The following ITPK1 variants were observed in gnomAD, a reference collection of about 807,000 sequenced individuals.
ITPK1 encodes inositol 1,3,4-trisphosphate 5/6-kinase.
Under a neutral mutation model 45.3 loss-of-function variants are expected in ITPK1, and 21 were observed. The ratio of observed to expected loss-of-function variants is 0.46; its 90% CI spans 0.33 to 0.67. ITPK1 has a LOEUF of 0.67. Among genes scored for constraint, ITPK1 ranks in the 30% least tolerant of loss-of-function variants. The probability of loss-of-function intolerance (pLI) is 0.02; values close to 1 mark genes in which losing one functional copy is unlikely to be tolerated. For synonymous variants in ITPK1, 258 were observed against 253.6 expected (o/e 1.02, Z -0.16); for missense variants, 474 against 573.5 (o/e 0.83, Z 1.77).
At chr14:92,962,615 G>A (rs1382245463) in intron 6 of ITPK1, 136 bp downstream of exon 6, 2 of 783,500 alleles carry the variant, frequency 2.6e-6, no homozygotes, top group Admixed American at 1.9e-5. Flanking sequence ...TGTGGGTGGA[G>A]GTGGGACCCA....
At chr14:93,061,833 G>A (rs1220822507) in intron 3 of ITPK1, among the ~76,000 whole-genome samples, 1 of 152,168 alleles carries the variant, frequency 6.6e-6, no homozygotes, top group Non-Finnish European at 1.5e-5. Flanking sequence ...CATCAACCAA[G>A]GGAATCAAAG....
At chr14:93,022,524 T>A (rs1888521959) in intron 3 of ITPK1, among the ~76,000 whole-genome samples, 1 of 151,816 alleles carries the variant, frequency 6.6e-6, no homozygotes, top group South Asian at 2.1e-4. Context: ...TCTTTTTTTT[T>A]TTTTTTTTGA....
intron 5 of ITPK1, among the ~76,000 whole-genome samples, chr14:92,969,802 G>A (rs1885558776): frequency 6.6e-6 from 1 of 152,170 alleles, no homozygotes; most frequent in African/African-American, 2.4e-5. Context: ...GATGGGAGGT[G>A]GAATGAGGCT....
Position 92,958,801 on chromosome 14 carries a change from G to A in ITPK1, c.505-435C>T, listed in dbSNP as rs1884892619. On this transcript the variant is annotated intron_variant, in intron 7 of 10. Transcript: ENST00000267615. The surrounding 1 kb of genome is among the most constrained non-coding windows in gnomAD (Gnocchi z 4.4). ...AGGAGTCAGGAGGCCTTGGGTCAAA[G>A]CCTGTCTGATGACAACGGCTGCCTC... 6.6e-6 allele frequency among the ~76,000 whole-genome samples: 1 copy of A among 152,210 alleles called. No individual in the cohort carries two copies.
chr14:93,016,344 G>A lies in ITPK1; in HGVS notation c.246+332C>T, dbSNP rs1456002350. ...AGGGTTCCATCCCTTGTGCCTACCT[G>A]AGCCAGGGGAAAGGGTTGCACATGC... On this transcript the variant is annotated intron_variant, in intron 4 of 10. Transcript: ENST00000267615. The surrounding 1 kb of genome is among the most constrained non-coding windows in gnomAD (Gnocchi z 5.0). Among the ~76,000 whole-genome samples the A allele has an allele frequency of 6.6e-6, 1 of 152,172 alleles. No homozygotes were observed. Among genetic ancestry groups the A allele is most frequent in the Non-Finnish European group, 1.5e-5 (1 of 68,022 alleles).
At chr14:92,963,697 T>C (rs1045356641) in intron 5 of ITPK1, among the ~76,000 whole-genome samples, 3 of 152,250 alleles carry the variant, frequency 2.0e-5, no homozygotes, top group Non-Finnish European at 4.4e-5. Flanking sequence ...AGCTGACCTG[T>C]TCTGTTCATC....
At chr14:93,083,078 G>A (rs991466627) in intron 2 of ITPK1, among the ~76,000 whole-genome samples, 1 of 152,182 alleles carries the variant, frequency 6.6e-6, no homozygotes, top group Non-Finnish European at 1.5e-5. Flanking sequence ...AGGGAGAGGG[G>A]ATGATAAGGG....
At chr14:93,053,354 C>T (rs1166983558) in intron 3 of ITPK1, among the ~76,000 whole-genome samples, 4 of 152,230 alleles carry the variant, frequency 2.6e-5, no homozygotes, top group African/African-American at 9.6e-5. Context: ...ACCATTACTT[C>T]AATCCAGTGG....
intron 3 of ITPK1, among the ~76,000 whole-genome samples, chr14:93,062,785 C>T (rs921653696): frequency 2.6e-4 from 39 of 152,322 alleles, no homozygotes; most frequent in African/African-American, 7.9e-4. Context: ...ACAGTCAAGG[C>T]CAGGGCCTGG....
intron 3 of ITPK1, among the ~76,000 whole-genome samples, chr14:93,056,030 T>C (rs77939308): frequency 0.01 from 1,566 of 152,262 alleles, 23 homozygotes; most frequent in African/African-American, 0.036. Context: ...CCAGTGAAAC[T>C]GAACATCACC....
chr14:92,942,091 C>G (rs551864589), intron 10 of ITPK1, among the ~76,000 whole-genome samples, 187 bp from the exon 11 acceptor site: 2 of 152,158 alleles, frequency 1.3e-5, no homozygotes, highest in Non-Finnish European at 2.9e-5. Flanking sequence ...AAAGCTTGGA[C>G]GCCCAACCAG....
rs74813366 is a variant in ITPK1 at position 92,965,198 on chromosome 14, A to G, written c.365-2349T>C. On this transcript the variant is annotated intron_variant, in intron 5 of 10. Transcript: ENST00000267615. ...GCTACTCTGCTCTGTGGCAAACCTC[A>G]TAACAATAGCAGTGTCAACACACAG... Among the ~76,000 whole-genome samples the G allele has an allele frequency of 4.0e-3, 604 of 152,366 alleles. 12 individuals carry two copies. The East Asian group carries it at 0.07, about 18-fold the overall frequency.
chr14:93,007,059 C>A (rs116330489), intron 4 of ITPK1, among the ~76,000 whole-genome samples: 3 of 152,140 alleles, frequency 2.0e-5, no homozygotes, highest in Non-Finnish European at 2.9e-5. Flanking sequence ...GGGATTTCCA[C>A]GCAGATGGAG....
intron 9 of ITPK1, among the ~76,000 whole-genome samples, chr14:92,947,338 A>C (rs1353601989): frequency 6.6e-6 from 1 of 152,124 alleles, no homozygotes; most frequent in Non-Finnish European, 1.5e-5. Flanking sequence ...TCTCCCTCCC[A>C]GCCCGGCACT....
chr14:92,952,780 T>A (rs1202005164), intron 8 of ITPK1, among the ~76,000 whole-genome samples: 1 of 152,212 alleles, frequency 6.6e-6, no homozygotes, highest in Non-Finnish European at 1.5e-5. Flanking sequence ...AGAAATGTCT[T>A]TGGGGAGTAA....
At position 92,979,925 on chromosome 14, in the gene ITPK1, C is replaced by T. The variant is rs567687724; in HGVS notation, c.364+13955G>A. ...CCTCCTAAGTAGCTGTGATTACAGGCGCACATCACCACGCCTGGCTAATTT... is the reference window on the plus strand; with the variant it reads ...CCTCCTAAGTAGCTGTGATTACAGGTGCACATCACCACGCCTGGCTAATTT... On this transcript the variant is annotated intron_variant, in intron 5 of 10. Coordinates refer to ENST00000267615, the MANE Select transcript of ITPK1 (RefSeq NM_014216.6). 1.1e-4 allele frequency among the ~76,000 whole-genome samples: 17 copies of T among 151,784 alleles called. 1 individual carries two copies. The East Asian group carries it at 1.2e-3, about 10-fold the overall frequency.
At chr14:92,944,380 C>T (rs973135276) in intron 10 of ITPK1, among the ~76,000 whole-genome samples, 2 of 152,176 alleles carry the variant, frequency 1.3e-5, no homozygotes, top group African/African-American at 4.8e-5. Context: ...CAGGCTCAGC[C>T]ATAGTCCCAC....
At chr14:93,093,547 T>C (rs1194650446) in intron 2 of ITPK1, among the ~76,000 whole-genome samples, 2 of 152,158 alleles carry the variant, frequency 1.3e-5, no homozygotes, top group East Asian at 1.9e-4. Flanking sequence ...CCTAAACCAG[T>C]GTTTGCAAAC....
chr14:93,067,764 A>C (rs1424081449), intron 3 of ITPK1: 1 of 152,752 alleles, frequency 6.5e-6, no homozygotes, highest in Non-Finnish European at 1.5e-5. Flanking sequence ...CTCATGTATC[A>C]TCATTATTAA....
Sources: allele counts gnomAD v4.1 joint callset (sites outside exome capture counted in the v4.1 genomes callset), GRCh38; gene constraint gnomAD v4.1.1; non-coding constraint Gnocchi (gnomAD v3.1); transcripts MANE v1.5; gene names NCBI Gene and HGNC (gene_info 2026-07-23, HGNC 2026-07-21).